FAM193A: variants seen among roughly 807,000 people sequenced by gnomAD.
The protein encoded by FAM193A is family with sequence similarity 193 member A.
In FAM193A, 22 loss-of-function variants were observed where a neutral mutation model predicts 126.5. The observed-to-expected ratio is 0.17, with a 90% CI of 0.12 to 0.25. FAM193A has a LOEUF of 0.25. FAM193A is among the 10% of genes least tolerant of loss of function. The probability of loss-of-function intolerance (pLI) is 1.00; values close to 1 mark genes in which losing one functional copy is unlikely to be tolerated. For synonymous variants in FAM193A, 761 were observed against 646.8 expected (o/e 1.18, Z -2.68); for missense variants, 1,675 against 1,672.8 (o/e 1.00, Z -0.02).
intron 6 of FAM193A, among the ~76,000 whole-genome samples, chr4:2,645,578 G>A (rs1245836646): frequency 1.1e-4 from 16 of 151,788 alleles, no homozygotes. Flanking sequence ...CCAGGCTGGA[G>A]TGCAGTGGCG....
chr4:2,603,055 G>A (rs1741302147), intron 2 of FAM193A, among the ~76,000 whole-genome samples: 1 of 127,934 alleles, frequency 7.8e-6, no homozygotes, highest in Non-Finnish European at 1.6e-5. Context: ...TGCAGGCTCC[G>A]CCTTCTGGGT....
intron 19 of FAM193A, among the ~76,000 whole-genome samples, chr4:2,704,840 G>T (rs1473406116): frequency 2.6e-5 from 4 of 152,162 alleles, no homozygotes; most frequent in African/African-American, 2.4e-5. Flanking sequence ...CTTTTTGTGT[G>T]TATGAATTTT....
intron 15 of FAM193A, 124 bp from the exon 16 acceptor site, chr4:2,693,461 TA>T (rs1716641413): frequency 1.1e-6 from 1 of 894,902 alleles, no homozygotes; most frequent in Admixed American, 2.4e-5. Context: ...GACAGAATAT[TA>T]GGTCGTGAAG....
intron 20 of FAM193A, among the ~76,000 whole-genome samples, chr4:2,718,424 A>C (rs1447874254): frequency 9.0e-6 from 1 of 111,394 alleles, no homozygotes; most frequent in Non-Finnish European, 1.9e-5. Context: ...AATGTCAGTA[A>C]TTAAAAAAAA....
intron 2 of FAM193A, among the ~76,000 whole-genome samples, chr4:2,601,235 T>C (rs1741179066): frequency 6.8e-6 from 1 of 147,160 alleles, no homozygotes; most frequent in African/African-American, 2.5e-5. Context: ...TTCTTTTTTT[T>C]TTTTTTTTTT....
intron 6 of FAM193A, among the ~76,000 whole-genome samples, chr4:2,640,980 G>A (rs532208218): frequency 2.0e-5 from 3 of 152,028 alleles, no homozygotes; most frequent in African/African-American, 7.2e-5. Context: ...AAAAAAAGTC[G>A]TTAGCTTCAC....
In FAM193A at chr4:2,591,989, C is replaced by T. The variant is rs181196588; in HGVS notation, c.256-4095C>T. 3.3e-5 allele frequency among the ~76,000 whole-genome samples: 5 copies of T among 152,250 alleles called. No individual in the cohort carries two copies. In the East Asian group the frequency reaches 9.6e-4, roughly 29 times the overall value. On this transcript the variant is annotated intron_variant, in intron 1 of 20. Transcript: ENST00000637812. Reference sequence around the variant, plus strand: ...AAAAATTTCTGGGTTATCTTGGTCCCTTACATGGATATATATACACATTTT... The same window carrying T: ...AAAAATTTCTGGGTTATCTTGGTCCTTTACATGGATATATATACACATTTT...
chr4:2,579,121 A>T (rs1739773628), intron 1 of FAM193A, among the ~76,000 whole-genome samples: 1 of 151,992 alleles, frequency 6.6e-6, no homozygotes, highest in South Asian at 2.1e-4. Flanking sequence ...CAGCCTCCCA[A>T]AGTGCTGGGA....
At position 2,731,948 on chromosome 4, in the gene FAM193A, C is replaced by T. The variant is rs1577297898; in HGVS notation, c.*80C>T. ...AAGAGCCACGCCCCTCGCTGGCGCCCCAGAGCCGTGGTGCTTGCCAAGGGC... is the reference window on the plus strand; with the variant it reads ...AAGAGCCACGCCCCTCGCTGGCGCCTCAGAGCCGTGGTGCTTGCCAAGGGC... On this transcript the variant is annotated 3_prime_UTR_variant, in exon 21 of 21. Transcript: ENST00000637812. The T allele has an allele frequency of 6.3e-6, 7 of 1,108,002 alleles. No individual in the cohort carries two copies. Among genetic ancestry groups the T allele is most frequent in the Non-Finnish European group, 9.6e-6 (7 of 726,430 alleles). The allele number at this position is 1,108,002 out of a possible 1,614,324, so 68.6% of individuals were successfully genotyped here.
chr4:2,630,990 G>A lies in FAM193A; in HGVS notation c.859G>A (p.Glu287Lys). ...LYQRLEQQAR[E>K]YVLEMKVRLL... ...CCAGCGTCTGGAACAGCAAGCTCGA[G>A]AGTATGTGCTGGAGATGAAGGTCCG... The change falls in exon 5 of 21, where the codon GAG becomes AAG. Residue 287 changes from glutamate to lysine, a missense_variant. Around this residue, in one of 4 missense-constraint regions of FAM193A, gnomAD observed 1,186 missense variants for 1,109.2 expected, o/e 1.07. Coordinates refer to ENST00000637812, the MANE Select transcript of FAM193A (RefSeq NM_001366318.2). The A allele has an allele frequency of 1.9e-6, 3 of 1,613,534 alleles. No homozygotes were observed. The highest frequency in any genetic ancestry group is 2.5e-6 in the Non-Finnish European group (3 of 1,179,992).
intron 2 of FAM193A, among the ~76,000 whole-genome samples, chr4:2,604,073 C>T (rs1741381717): frequency 1.3e-5 from 2 of 152,106 alleles, no homozygotes; most frequent in South Asian, 4.2e-4. Context: ...AAACTCCTGA[C>T]CTCAGGTGAT....
In FAM193A at chr4:2,646,702, A is replaced by G; in HGVS notation, c.1181A>G (p.His394Arg). 1.2e-6 allele frequency: 2 copies of G among 1,609,474 alleles called. No individual in the cohort carries two copies. Among genetic ancestry groups the G allele is most frequent in the Non-Finnish European group, 1.7e-6 (2 of 1,177,902 alleles). Residue 394 changes from histidine to arginine, a missense_variant, in exon 7 of 21, where the codon CAC becomes CGC. His to Arg is a conservative substitution (Grantham distance 29). This residue lies in a region of FAM193A where 1,186 missense variants were observed against 1,109.2 expected (regional missense o/e 1.07). Coordinates refer to ENST00000637812, the MANE Select transcript of FAM193A (RefSeq NM_001366318.2). The part of the protein sequence containing the change: ...VSQIRLGTTT[H>R]DTCSEDTYST... ...TCTCCTAGGCTAGGAACCACCACACACGACACCTGCAGTGAGGACACATAC... is the reference window on the plus strand; with the variant it reads ...TCTCCTAGGCTAGGAACCACCACACGCGACACCTGCAGTGAGGACACATAC...
At chr4:2,637,897 C>T (rs1368206165) in intron 5 of FAM193A, among the ~76,000 whole-genome samples, 3 of 152,216 alleles carry the variant, frequency 2.0e-5, no homozygotes, top group Admixed American at 1.3e-4. Flanking sequence ...AGTTGATTTC[C>T]GGTTGTGAAG....
chr4:2,644,282 T>G (rs765857235), intron 6 of FAM193A, among the ~76,000 whole-genome samples: 6 of 152,110 alleles, frequency 3.9e-5, no homozygotes, highest in Admixed American at 1.3e-4. Flanking sequence ...TTGGAAGAGA[T>G]AAATTCTTAC....
intron 1 of FAM193A, among the ~76,000 whole-genome samples, chr4:2,566,352 A>G (rs1738950630): frequency 6.6e-6 from 1 of 152,018 alleles, no homozygotes. Flanking sequence ...TGGCCAATGG[A>G]AAATTGCTTT....
intron 19 of FAM193A, chr4:2,715,568 C>T (rs944950476): frequency 8.4e-6 from 8 of 957,280 alleles, no homozygotes; most frequent in South Asian, 8.8e-5. Context: ...AGGGCACATT[C>T]GAGGGACAGC....
At position 2,626,406 on chromosome 4, in the gene FAM193A, A is replaced by T. The variant is rs1375439723; in HGVS notation, c.636-4A>T. The T allele has an allele frequency of 1.4e-6, 1 of 698,766 alleles. No homozygotes were observed. The allele number at this position is 698,766 out of a possible 1,614,324, so 43.3% of individuals were successfully genotyped here. ...CTTTCTAACCTTCCTGTGTTGTCTC[A>T]CAGAGAAATTTCGGCAGAGGCGGAC... On this transcript the variant is annotated splice_polypyrimidine_tract_variant and splice_region_variant and intron_variant, in intron 3 of 20. Transcript: ENST00000637812.
At chr4:2,582,215 A>G (rs1739983323) in intron 1 of FAM193A, among the ~76,000 whole-genome samples, 1 of 151,964 alleles carries the variant, frequency 6.6e-6, no homozygotes, top group Non-Finnish European at 1.5e-5. Flanking sequence ...GTGCAGTGAC[A>G]TGATCACAGC....
chr4:2,548,547 C>G (rs138308422), intron 1 of FAM193A, among the ~76,000 whole-genome samples: 140 of 152,136 alleles, frequency 9.2e-4, no homozygotes, highest in African/African-American at 3.3e-3. Flanking sequence ...GCCTCCGCCT[C>G]CCAGATTCAA....
Sources: gnomAD v4.1 joint callset for allele counts (sites outside exome capture counted in the v4.1 genomes callset) on GRCh38, gnomAD v4.1.1 for gene constraint, gnomAD v4.1.1 regional missense constraint, MANE v1.5 for transcripts, NCBI Gene and HGNC (gene_info 2026-07-23, HGNC 2026-07-21) for gene names.